Variants in PEX14 observed in about 807,000 individuals in gnomAD.
The protein encoded by PEX14 is peroxisomal membrane protein PEX14.
A neutral mutation model predicts 49.5 loss-of-function variants in PEX14; 15 were observed. The ratio of observed to expected loss-of-function variants is 0.30; its 90% CI spans 0.20 to 0.47. The LOEUF (loss-of-function observed/expected upper bound fraction) is 0.47. PEX14 is among the 20% of genes least tolerant of loss of function. The pLI is 1.00. For synonymous variants in PEX14, 210 were observed against 212.7 expected (o/e 0.99, Z 0.11); for missense variants, 398 against 494.8 (o/e 0.80, Z 1.86).
At chr1:10,526,548 C>G (rs1002141462) in intron 2 of PEX14, among the ~76,000 whole-genome samples, 3 of 152,224 alleles carry the variant, frequency 2.0e-5, no homozygotes, top group African/African-American at 7.2e-5. Context: ...GGAACCCATA[C>G]TTTAGTTTTT....
rs769892411 is a variant in PEX14, at chr1:10,536,535, A to G, written c.169+238A>G. 22 of 527,630 alleles carry G rather than the reference A, an allele frequency of 4.2e-5. No individual in the cohort carries two copies. In the South Asian group the frequency reaches 4.2e-4, roughly 10 times the overall value. The allele number at this position is 527,630 out of a possible 1,614,324, so 32.7% of individuals were successfully genotyped here. On this transcript the variant is annotated intron_variant, in intron 3 of 8. Coordinates refer to ENST00000356607, the MANE Select transcript of PEX14 (RefSeq NM_004565.3). Reference sequence around the variant, plus strand: ...CACGGATGACTTAGTCCAGTCCATCATGGCAAAGGCAGCATTCAGTAGCAG... The same window carrying G: ...CACGGATGACTTAGTCCAGTCCATCGTGGCAAAGGCAGCATTCAGTAGCAG...
At chr1:10,505,321 A>AC (rs1641762892) in intron 2 of PEX14, among the ~76,000 whole-genome samples, 1 of 151,992 alleles carries the variant, frequency 6.6e-6, no homozygotes, top group Non-Finnish European at 1.5e-5. Flanking sequence ...AAATGCAAAA[A>AC]TTAGTGGGAC....
At chr1:10,619,610 C>T (rs1047131548) in intron 5 of PEX14, among the ~76,000 whole-genome samples, 20 of 152,146 alleles carry the variant, frequency 1.3e-4, no homozygotes, top group African/African-American at 3.6e-4. Flanking sequence ...CCACCGTGCC[C>T]GGCTGGTGAT....
At chr1:10,506,249 G>C (rs1641780529) in intron 2 of PEX14, among the ~76,000 whole-genome samples, 1 of 152,158 alleles carries the variant, frequency 6.6e-6, no homozygotes, top group African/African-American at 2.4e-5. Context: ...AGTGTGAAGA[G>C]AGGGTTCTGC....
intron 4 of PEX14, among the ~76,000 whole-genome samples, chr1:10,615,325 C>G (rs1418093022): frequency 6.6e-6 from 1 of 152,188 alleles, no homozygotes; most frequent in Admixed American, 6.5e-5. Flanking sequence ...AAAAGTCTCT[C>G]TAAAGTGACA....
chr1:10,503,025 T>C (rs1466022377), intron 2 of PEX14, among the ~76,000 whole-genome samples: 1 of 151,602 alleles, frequency 6.6e-6, no homozygotes, highest in Admixed American at 6.6e-5. Flanking sequence ...GATCTCGAAC[T>C]CCTGGGCTCA....
At chr1:10,555,393 G>A (rs759688660) in intron 3 of PEX14, among the ~76,000 whole-genome samples, 2 of 151,860 alleles carry the variant, frequency 1.3e-5, no homozygotes, top group Admixed American at 6.6e-5. Context: ...GGAAAATGAC[G>A]GAGGAAAACA....
chr1:10,618,653 G>T (rs188574575), intron 5 of PEX14, among the ~76,000 whole-genome samples: 63 of 152,380 alleles, frequency 4.1e-4, no homozygotes, highest in African/African-American at 1.5e-3. Flanking sequence ...ATACCACCCA[G>T]ATCTCCACTT....
intron 1 of PEX14, among the ~76,000 whole-genome samples, chr1:10,479,511 C>T (rs1641249696): frequency 6.6e-6 from 1 of 152,216 alleles, no homozygotes; most frequent in Non-Finnish European, 1.5e-5. Context: ...GAATGAGAAA[C>T]GTTATCTCTA....
At chr1:10,531,435 G>A (rs1638647763) in intron 2 of PEX14, among the ~76,000 whole-genome samples, 1 of 152,212 alleles carries the variant, frequency 6.6e-6, no homozygotes, top group African/African-American at 2.4e-5. Flanking sequence ...TAAAACTCGA[G>A]TTGGCTTTGG....
intron 1 of PEX14, among the ~76,000 whole-genome samples, chr1:10,479,693 C>T (rs1412133035): frequency 6.6e-6 from 1 of 152,156 alleles, no homozygotes; most frequent in Non-Finnish European, 1.5e-5. Context: ...CAGAAGCAGG[C>T]AGGGAGAAGA....
chr1:10,616,165 G>T (rs1237602164), intron 4 of PEX14, among the ~76,000 whole-genome samples: 1 of 152,114 alleles, frequency 6.6e-6, no homozygotes, highest in Non-Finnish European at 1.5e-5. Flanking sequence ...CCCCCTGAGA[G>T]TGCCATTCAG....
At chr1:10,625,657 T>G (rs1641723641) in intron 7 of PEX14, among the ~76,000 whole-genome samples, 1 of 152,226 alleles carries the variant, frequency 6.6e-6, no homozygotes, top group Non-Finnish European at 1.5e-5. Context: ...GGCCGGTCCC[T>G]AAAGCACCAG....
intron 2 of PEX14, among the ~76,000 whole-genome samples, chr1:10,517,836 G>A (rs931506529): frequency 3.3e-5 from 5 of 151,906 alleles, no homozygotes; most frequent in African/African-American, 1.2e-4. Flanking sequence ...TAGGGATTCA[G>A]TATTTGAAAA....
rs1338131332 is a variant in PEX14 at position 10,599,418 on chromosome 1, TG to T, written c.298+54del. 3 of 1,603,278 alleles carry T rather than the reference TG, an allele frequency of 1.9e-6. No homozygotes were observed. The Admixed American group carries it at 5.0e-5, about 27-fold the overall frequency. ...TAACCTTGATTGGGATTCAGGACTC[TG>T]GCCAAAGGGCAGTGTTCTGTATCTC... On this transcript the variant is annotated intron_variant, in intron 4 of 8. Transcript: ENST00000356607.
chr1:10,623,293 A>G lies in PEX14; in HGVS notation c.487+172A>G. The G allele has an allele frequency of 1.6e-6, 1 of 641,590 alleles. No individual in the cohort carries two copies. The highest frequency in any genetic ancestry group is 1.6e-5 in the South Asian group (1 of 61,372). 39.7% of individuals were successfully genotyped at this position (641,590 alleles called of 1,614,324 possible). A position where few individuals can be genotyped will look rare whatever the true frequency, so the allele number is the denominator to read the frequency against. The stretch of plus-strand genomic sequence containing the variant: ...CGCCGTCATTTCGGTTTAATTTGAA[A>G]TTGCTTGTTTACTGTCGGCGCGGCC... On this transcript the variant is annotated intron_variant, in intron 6 of 8. Coordinates refer to ENST00000356607, the MANE Select transcript of PEX14 (RefSeq NM_004565.3). The surrounding 1 kb of genome is among the most constrained non-coding windows in gnomAD (Gnocchi z 4.4).
chr1:10,476,101 C>A (rs149402098), intron 1 of PEX14, among the ~76,000 whole-genome samples: 1 of 152,326 alleles, frequency 6.6e-6, no homozygotes, highest in African/African-American at 2.4e-5. Flanking sequence ...CCTTGAAGCA[C>A]CTCTAAGAGT....
chr1:10,606,284 A>G (rs1208711224), intron 4 of PEX14, among the ~76,000 whole-genome samples: 1 of 152,184 alleles, frequency 6.6e-6, no homozygotes, highest in African/African-American at 2.4e-5. Flanking sequence ...TTCAGCTCCA[A>G]CTATCCCACC....
chr1:10,623,082 G>A lies in PEX14; in HGVS notation c.448G>A (p.Ala150Thr). The change falls in exon 6 of 9, where the codon GCC (alanine) becomes ACC (threonine). Residue 150 changes from alanine (A) to threonine (T), a missense_variant. Ala to Thr is a moderately conservative substitution (Grantham distance 58). Transcript: ENST00000356607. The surrounding 1 kb of genome is among the most constrained non-coding windows in gnomAD (Gnocchi z 4.4). Reference protein sequence around the residue: ...EDRKQLERMEAGLSELSGSVA... With the variant: ...EDRKQLERMETGLSELSGSVA... ...CAGAAAGCAGCTGGAGAGGATGGAGGCCGGTCTCTCTGAGCTGAGTGGCAG... is the reference window on the plus strand; with the variant it reads ...CAGAAAGCAGCTGGAGAGGATGGAGACCGGTCTCTCTGAGCTGAGTGGCAG... The A allele has an allele frequency of 6.2e-7, 1 of 1,613,868 alleles. No homozygotes were observed. Among genetic ancestry groups the A allele is most frequent in the African/African-American group, 1.3e-5 (1 of 75,012 alleles).
Sources: allele counts gnomAD v4.1 joint callset (sites outside exome capture counted in the v4.1 genomes callset), GRCh38; gene constraint gnomAD v4.1.1; non-coding constraint Gnocchi (gnomAD v3.1); transcripts MANE v1.5; gene names NCBI Gene and HGNC (gene_info 2026-07-23, HGNC 2026-07-21).